NTM: variants seen among roughly 807,000 people sequenced by gnomAD.
The protein encoded by NTM is IgLON family member 2.
In NTM, 13 loss-of-function variants were observed where a neutral mutation model predicts 42.1. That is an observed-to-expected ratio of 0.31 (90% CI 0.20 to 0.49). The LOEUF is 0.49. Among genes scored for constraint, NTM ranks in the 20% least tolerant of loss-of-function variants. The pLI is 0.99. For synonymous variants in NTM, 187 were observed against 179.2 expected (o/e 1.04, Z -0.35); for missense variants, 373 against 452.8 (o/e 0.82, Z 1.60).
chr11:132,095,934 G>A (rs1197052481), intron 2 of NTM, among the ~76,000 whole-genome samples: 1 of 152,204 alleles, frequency 6.6e-6, no homozygotes, highest in African/African-American at 2.4e-5. Context: ...ACACTTTGGA[G>A]TTGATTAGTT....
At chr11:132,173,684 TATC>T (rs1367551233) in intron 3 of NTM, among the ~76,000 whole-genome samples, 1 of 152,164 alleles carries the variant, frequency 6.6e-6, no homozygotes, top group East Asian at 1.9e-4. Context: ...GTAGGGCAAG[TATC>T]ATTCATTCCA....
chr11:132,313,379 T>A (rs771724365), intron 6 of NTM, among the ~76,000 whole-genome samples: 8 of 152,152 alleles, frequency 5.3e-5, no homozygotes, highest in South Asian at 2.1e-4. Context: ...CATGTTATTA[T>A]CTGCTTGCTA....
intron 1 of NTM, among the ~76,000 whole-genome samples, chr11:131,656,021 G>C (rs574258980): frequency 6.6e-6 from 1 of 152,314 alleles, no homozygotes; most frequent in South Asian, 2.1e-4. Flanking sequence ...TAGACCAGTG[G>C]TCAGTTCCCC....
chr11:132,155,937 C>A (rs2137517010), intron 3 of NTM, among the ~76,000 whole-genome samples: 1 of 152,202 alleles, frequency 6.6e-6, no homozygotes, highest in South Asian at 2.1e-4. Context: ...CTGGAGAGTC[C>A]CTGGGCTGAG....
chr11:131,473,042 C>T (rs1952594650), intron 1 of NTM, among the ~76,000 whole-genome samples: 1 of 152,054 alleles, frequency 6.6e-6, no homozygotes, highest in Non-Finnish European at 1.5e-5. Flanking sequence ...AAATAATAGC[C>T]AATATTTCCA....
At chr11:131,375,269 C>T (rs534644896) in intron 1 of NTM, among the ~76,000 whole-genome samples, 1 of 152,324 alleles carries the variant, frequency 6.6e-6, no homozygotes, top group East Asian at 1.9e-4. Context: ...GCTTGTAACA[C>T]TCCAAACATG....
At chr11:131,940,231 T>C (rs940877085) in intron 2 of NTM, among the ~76,000 whole-genome samples, 1 of 152,192 alleles carries the variant, frequency 6.6e-6, no homozygotes, top group Non-Finnish European at 1.5e-5. Context: ...TTCTTATATT[T>C]ACTCCTGATC....
At chr11:132,161,821 G>C (rs994502940) in intron 3 of NTM, among the ~76,000 whole-genome samples, 1 of 152,158 alleles carries the variant, frequency 6.6e-6, no homozygotes, top group African/African-American at 2.4e-5. Flanking sequence ...CATGGGTTTC[G>C]CCTCCAACAC....
intron 3 of NTM, among the ~76,000 whole-genome samples, chr11:132,194,240 C>A (rs925095793): frequency 6.6e-6 from 1 of 152,114 alleles, no homozygotes; most frequent in Non-Finnish European, 1.5e-5. Context: ...CAAACCTAAT[C>A]CAGCAACACA....
chr11:132,316,413 G>A (rs539306707), intron 7 of NTM, among the ~76,000 whole-genome samples: 336 of 152,310 alleles, frequency 2.2e-3, no homozygotes, highest in Non-Finnish European at 3.5e-3. Flanking sequence ...ATCAGCATCT[G>A]CCCTGTGCCT....
chr11:131,756,019 G>A (rs2083284576), intron 1 of NTM, among the ~76,000 whole-genome samples: 1 of 152,208 alleles, frequency 6.6e-6, no homozygotes, highest in Non-Finnish European at 1.5e-5. Context: ...TTAAAATTGT[G>A]AGGCCTGGAC....
intron 2 of NTM, 107 bp downstream of exon 2, chr11:131,911,755 C>A: frequency 7.2e-7 from 1 of 1,384,858 alleles, no homozygotes; most frequent in South Asian, 1.3e-5. Context: ...GCGGAGAGGT[C>A]GCTGGTTCCC....
intron 1 of NTM, among the ~76,000 whole-genome samples, chr11:131,811,758 G>A (rs775751947): frequency 6.6e-6 from 1 of 152,278 alleles, no homozygotes; most frequent in East Asian, 1.9e-4. Flanking sequence ...TGACAGCATT[G>A]GTATGTGAGG....
At chr11:131,444,900 G>A (rs1949927449) in intron 1 of NTM, among the ~76,000 whole-genome samples, 1 of 152,132 alleles carries the variant, frequency 6.6e-6, no homozygotes, top group African/African-American at 2.4e-5. Flanking sequence ...GATTACATTA[G>A]ACCTTGATTT....
intron 1 of NTM, among the ~76,000 whole-genome samples, chr11:131,500,262 C>G (rs1392311698): frequency 3.3e-5 from 5 of 152,176 alleles, no homozygotes; most frequent in Admixed American, 6.5e-5. Flanking sequence ...CTTCCTTTCT[C>G]TCTTTGAACA....
chr11:131,808,458 T>C (rs964281304), intron 1 of NTM, among the ~76,000 whole-genome samples: 8 of 152,210 alleles, frequency 5.3e-5, no homozygotes, highest in African/African-American at 1.9e-4. Context: ...CCTAGCATGA[T>C]GTAAATAAGC....
chr11:131,558,572 G>T (rs760044198), intron 1 of NTM, among the ~76,000 whole-genome samples: 11 of 152,058 alleles, frequency 7.2e-5, no homozygotes, highest in East Asian at 3.9e-4. Flanking sequence ...TGGTATACGC[G>T]CATTCTATAT....
intron 1 of NTM, among the ~76,000 whole-genome samples, chr11:131,712,162 A>G (rs2077229556): frequency 7.0e-6 from 1 of 143,230 alleles, no homozygotes; most frequent in South Asian, 2.3e-4. Context: ...AAAAAATAAA[A>G]ATTAAAAAAT....
chr11:131,589,474 C>A (rs1407044352), intron 1 of NTM, among the ~76,000 whole-genome samples: 2 of 152,154 alleles, frequency 1.3e-5, no homozygotes, highest in African/African-American at 4.8e-5. Context: ...AAACTGCAGT[C>A]CAGGGCTTCC....
Sources: gnomAD v4.1 joint callset for allele counts (sites outside exome capture counted in the v4.1 genomes callset) on GRCh38, gnomAD v4.1.1 for gene constraint, MANE v1.5 for transcripts, NCBI Gene and HGNC (gene_info 2026-07-23, HGNC 2026-07-21) for gene names.